CDC42SE2: variants seen among roughly 807,000 people sequenced by gnomAD.
The protein encoded by CDC42SE2 is CDC42 small effector protein 2.
A neutral mutation model predicts 11.5 loss-of-function variants in CDC42SE2; 3 were observed. The ratio of observed to expected loss-of-function variants is 0.26; its 90% confidence interval spans 0.12 to 0.67. CDC42SE2 has a LOEUF of 0.67. Among genes scored for constraint, CDC42SE2 ranks in the 30% least tolerant of loss-of-function variants. The pLI is 0.80. For missense variants in CDC42SE2, 82 were observed against 106.8 expected (o/e 0.77, Z 1.02); for synonymous variants, 33 against 34.8 (o/e 0.95, Z 0.18).
the CDC42SE2 span, among the ~76,000 whole-genome samples, chr5:131,231,552 C>G: frequency 1.3e-5 from 2 of 150,726 alleles, no homozygotes; most frequent in East Asian, 3.9e-4. Flanking sequence ...CTAACACGAC[C>G]TTTCTCATAT....
the CDC42SE2 span, among the ~76,000 whole-genome samples, chr5:131,231,195 C>T: frequency 6.6e-6 from 1 of 152,050 alleles, no homozygotes; most frequent in Admixed American, 6.6e-5. Flanking sequence ...TGAAGTTTGG[C>T]TTTTTAAAAA....
At chr5:131,218,449 T>C in the CDC42SE2 span, among the ~76,000 whole-genome samples, 13 of 152,138 alleles carry the variant, frequency 8.5e-5, no homozygotes, top group African/African-American at 3.1e-4. Context: ...GGAATACAAA[T>C]TGGTACAACT....
intron 1 of CDC42SE2, among the ~76,000 whole-genome samples, chr5:131,293,768 T>C (rs1757512595): frequency 6.6e-6 from 1 of 152,180 alleles, no homozygotes; most frequent in Non-Finnish European, 1.5e-5. Context: ...TTCTTTATTT[T>C]TCTGTAAAGT....
intron 1 of CDC42SE2, among the ~76,000 whole-genome samples, chr5:131,251,726 A>G (rs182502335): frequency 6.6e-6 from 1 of 152,232 alleles, no homozygotes; most frequent in Admixed American, 6.6e-5. Flanking sequence ...TAAAAAATAA[A>G]CCAGGGGCTG....
chr5:131,308,294 A>G (rs1355594269), intron 1 of CDC42SE2, among the ~76,000 whole-genome samples: 2 of 151,954 alleles, frequency 1.3e-5, no homozygotes, highest in Non-Finnish European at 2.9e-5. Flanking sequence ...GTTGTGTTCC[A>G]TTGATCTATA....
chr5:131,329,739 C>T (rs1459896962), intron 2 of CDC42SE2, among the ~76,000 whole-genome samples: 4 of 151,338 alleles, frequency 2.6e-5, no homozygotes, highest in African/African-American at 9.7e-5. Flanking sequence ...ATTAACTGGG[C>T]ATGGTGGTGG....
chr5:131,380,712 A>T (rs1201703553), intron 3 of CDC42SE2, among the ~76,000 whole-genome samples: 1 of 151,994 alleles, frequency 6.6e-6, no homozygotes, highest in Non-Finnish European at 1.5e-5. Flanking sequence ...GATCTTTCCC[A>T]TTAGAAATTG....
At chr5:131,374,972 C>T (rs896038243) in intron 3 of CDC42SE2, among the ~76,000 whole-genome samples, 6 of 150,852 alleles carry the variant, frequency 4.0e-5, no homozygotes, top group Non-Finnish European at 7.4e-5. Context: ...TTTTTAACAC[C>T]AATGATATTA....
At chr5:131,282,818 A>G (rs1757264351) in intron 1 of CDC42SE2, among the ~76,000 whole-genome samples, 1 of 147,934 alleles carries the variant, frequency 6.8e-6, no homozygotes, top group African/African-American at 2.5e-5. Flanking sequence ...TTTAGTAGAG[A>G]CGGGGTTTCA....
intron 1 of CDC42SE2, among the ~76,000 whole-genome samples, chr5:131,268,886 G>A (rs184951033): frequency 2.3e-3 from 343 of 151,610 alleles, no homozygotes; most frequent in African/African-American, 5.5e-3. Flanking sequence ...GAGTAGCAGG[G>A]ACTACAGGCG....
intron 2 of CDC42SE2, among the ~76,000 whole-genome samples, chr5:131,344,753 AG>A (rs1392321763): frequency 6.6e-6 from 1 of 152,190 alleles, no homozygotes; most frequent in African/African-American, 2.4e-5. Flanking sequence ...ACATCCCAGT[AG>A]GGGCTGACTG....
At chr5:131,349,879 G>A (rs1484661768) in intron 2 of CDC42SE2, among the ~76,000 whole-genome samples, 1 of 152,092 alleles carries the variant, frequency 6.6e-6, no homozygotes, top group Non-Finnish European at 1.5e-5. Context: ...TAGGAAGGTA[G>A]GGTTAATGGG....
intron 2 of CDC42SE2, among the ~76,000 whole-genome samples, chr5:131,330,020 G>A (rs1052456894): frequency 3.3e-5 from 5 of 150,944 alleles, no homozygotes; most frequent in African/African-American, 1.2e-4. Flanking sequence ...AATCATGAAG[G>A]TCAGGAATTT....
chr5:131,357,519 G>A (rs569919759), intron 2 of CDC42SE2, among the ~76,000 whole-genome samples: 1 of 152,286 alleles, frequency 6.6e-6, no homozygotes, highest in Admixed American at 6.5e-5. Flanking sequence ...TTAATGTTCA[G>A]GACTCTGTGA....
At chr5:131,320,756 C>A (rs1204828153) in intron 2 of CDC42SE2, among the ~76,000 whole-genome samples, 1 of 152,020 alleles carries the variant, frequency 6.6e-6, no homozygotes, top group East Asian at 1.9e-4. Flanking sequence ...AAAATGTATT[C>A]TAAAATTACA....
the CDC42SE2 span, among the ~76,000 whole-genome samples, chr5:131,235,451 A>G: frequency 6.7e-6 from 1 of 150,126 alleles, no homozygotes; most frequent in African/African-American, 2.5e-5. Flanking sequence ...CACCACACCC[A>G]GCTAATTTTT....
chr5:131,223,903 C>T, the CDC42SE2 span, among the ~76,000 whole-genome samples: 1 of 152,170 alleles, frequency 6.6e-6, no homozygotes, highest in East Asian at 1.9e-4. Context: ...AGCAAGTGTC[C>T]TCCATGTTGA....
chr5:131,301,729 G>A (rs947239486), intron 1 of CDC42SE2, among the ~76,000 whole-genome samples: 2 of 148,810 alleles, frequency 1.3e-5, no homozygotes, highest in Admixed American at 6.7e-5. Flanking sequence ...CTGCACTCTA[G>A]TTTGGGAGAC....
intron 1 of CDC42SE2, among the ~76,000 whole-genome samples, chr5:131,249,554 GA>G (rs1219387072): frequency 6.6e-6 from 1 of 152,190 alleles, no homozygotes; most frequent in Admixed American, 6.5e-5. Flanking sequence ...ATAGCAGGAA[GA>G]AACTGGATTC....
Sources: gnomAD v4.1 joint callset for allele counts (sites outside exome capture counted in the v4.1 genomes callset) on GRCh38, gnomAD v4.1.1 for gene constraint, MANE v1.5 for transcripts, NCBI Gene and HGNC (gene_info 2026-07-23, HGNC 2026-07-21) for gene names.